Variants in FGD3 observed in about 807,000 individuals in gnomAD.
FGD3 encodes FYVE, RhoGEF and PH domain containing 3, also known as FYVE, RhoGEF and PH domain-containing protein 3.
FGD3 carries 45 observed loss-of-function variants against 71.8 expected under a neutral mutation model. The ratio of observed to expected loss-of-function variants is 0.63; its 90% CI spans 0.49 to 0.80. The LOEUF (loss-of-function observed/expected upper bound fraction) is 0.80, where lower values mean the gene tolerates loss of function less well. FGD3 is among the 30% of genes least tolerant of loss of function. FGD3 has a pLI of 0.00. For missense variants in FGD3, 844 were observed against 951.5 expected (o/e 0.89, Z 1.49); for synonymous variants, 378 against 392.8 (o/e 0.96, Z 0.44).
intron 14 of FGD3, among the ~76,000 whole-genome samples, chr9:93,023,385 C>T (rs781036983): frequency 5.9e-5 from 9 of 152,164 alleles, no homozygotes; most frequent in Non-Finnish European, 1.2e-4. Flanking sequence ...TTCAGGGGCA[C>T]GACGGAGTGT....
rs564483635 is a variant in FGD3 at position 93,012,697 on chromosome 9, G to A, written c.1036-1155G>A. On this transcript the variant is annotated intron_variant, in intron 8 of 17. Transcript: ENST00000375482. ...AGGTGTGGGCGGTGGCGGGGTGTGG[G>A]GGGGGGAAGAATCAATCTACATAGA... Among the ~76,000 whole-genome samples, 227 of 136,750 alleles carry A rather than the reference G, an allele frequency of 1.7e-3. 6 individuals are homozygous for A. The East Asian group carries it at 0.017, about 10-fold the overall frequency. 89.7% of individuals were successfully genotyped at this position (136,750 alleles called of 152,430 possible). A position where few individuals can be genotyped will look rare whatever the true frequency, so the allele number is the denominator to read the frequency against.
At chr9:93,015,277 G>A (rs1252322686) in intron 9 of FGD3, among the ~76,000 whole-genome samples, 30 of 152,046 alleles carry the variant, frequency 2.0e-4, no homozygotes, top group Middle Eastern at 3.4e-3. Context: ...CCAACATGGC[G>A]AAACCCCATC....
intron 13 of FGD3, 131 bp from the exon 14 acceptor site, chr9:93,022,196 C>T: frequency 1.2e-6 from 1 of 853,984 alleles, no homozygotes; most frequent in African/African-American, 1.7e-5. Flanking sequence ...AATCCTAGGC[C>T]TGGGAAATCC....
intron 10 of FGD3, among the ~76,000 whole-genome samples, chr9:93,017,137 G>A (rs115618200): frequency 2.0e-5 from 3 of 151,930 alleles, no homozygotes; most frequent in African/African-American, 7.3e-5. Context: ...GCATGGTGGC[G>A]CACATCTCTA....
intron 8 of FGD3, among the ~76,000 whole-genome samples, chr9:93,012,153 C>CA (rs60323624): frequency 0.016 from 1,938 of 118,292 alleles, 45 homozygotes; most frequent in African/African-American, 0.044. Context: ...GACTCTGTCT[C>CA]AAAAAAAAAA....
At chr9:92,991,598 A>G (rs1176957152) in intron 3 of FGD3, among the ~76,000 whole-genome samples, 3 of 152,146 alleles carry the variant, frequency 2.0e-5, no homozygotes, top group African/African-American at 7.2e-5. Flanking sequence ...AGAATATTCC[A>G]TGGGTACATG....
intron 3 of FGD3, among the ~76,000 whole-genome samples, chr9:92,981,159 G>A (rs1287024210): frequency 5.9e-5 from 9 of 151,280 alleles, no homozygotes; most frequent in Non-Finnish European, 1.3e-4. Context: ...ATGAGGTCAG[G>A]AGATCGAGAC....
chr9:93,036,224 GCCA>G lies in FGD3; in HGVS notation c.*639_*641del, dbSNP rs1054208387. 4 of 152,322 alleles carry G rather than the reference GCCA, an allele frequency of 2.6e-5. No homozygotes were observed. Among genetic ancestry groups the G allele is most frequent in the African/African-American group, 9.7e-5 (4 of 41,448 alleles). The allele number at this position is 152,322 out of a possible 1,614,324, so 9.4% of individuals were successfully genotyped here. ...TGCTTATCTGCATAAATAAACACTG[GCCA>G]CCAGCAGTGGGCGCAGCCTCGGTGA... On this transcript the variant is annotated 3_prime_UTR_variant, in exon 18 of 18. Transcript: ENST00000375482.
chr9:93,032,015 C>T (rs1446917886), intron 15 of FGD3, among the ~76,000 whole-genome samples: 1 of 152,190 alleles, frequency 6.6e-6, no homozygotes, highest in Non-Finnish European at 1.5e-5. Flanking sequence ...GAGGAGCACT[C>T]CTTGGCTAAA....
At chr9:93,034,707 C>T (rs1340124561) in intron 17 of FGD3, 26 bp downstream of exon 17, 1 of 1,605,234 alleles carries the variant, frequency 6.2e-7, no homozygotes, top group Non-Finnish European at 8.5e-7. Context: ...CCACCAGGCC[C>T]TCAGGCCAGC....
chr9:93,030,462 C>G (rs909931867), intron 15 of FGD3, among the ~76,000 whole-genome samples: 3 of 152,230 alleles, frequency 2.0e-5, no homozygotes, highest in Admixed American at 6.5e-5. Context: ...CACACCATCT[C>G]CATTCCCCTC....
chr9:92,993,855 C>G (rs995997286), intron 3 of FGD3, among the ~76,000 whole-genome samples: 11 of 152,146 alleles, frequency 7.2e-5, no homozygotes, highest in African/African-American at 2.7e-4. Context: ...TTTCTTAATC[C>G]AGTCTATTAT....
At chr9:93,022,414 A>G (rs976496698) in intron 14 of FGD3, 25 bp downstream of exon 14, 60 of 1,609,232 alleles carry the variant, frequency 3.7e-5, no homozygotes, top group Non-Finnish European at 4.8e-5. Flanking sequence ...CTCAGCGGTC[A>G]GCAGGGGTGA....
In FGD3 at chr9:92,976,189, G is replaced by T. The variant is rs961807299; in HGVS notation, c.-49-19G>T. On this transcript the variant is annotated intron_variant, in intron 2 of 17. Coordinates refer to ENST00000375482, the MANE Select transcript of FGD3 (RefSeq NM_001083536.2). ...CCATGCCTGGCTAGCACTGACTCTG[G>T]CTTGTTTCTCCCCTACAGGAAGCCC... is the stretch of plus-strand genomic sequence containing the variant. 1.4e-6 allele frequency: 2 copies of T among 1,399,880 alleles called. No homozygotes were observed. The highest frequency in any genetic ancestry group is 1.9e-6 in the Non-Finnish European group (2 of 1,050,658). The allele number at this position is 1,399,880 out of a possible 1,614,324, so 86.7% of individuals were successfully genotyped here.
intron 1 of FGD3, among the ~76,000 whole-genome samples, chr9:92,953,635 C>T (rs781488375): frequency 1.3e-5 from 2 of 152,210 alleles, no homozygotes; most frequent in Non-Finnish European, 2.9e-5. Context: ...ATGTCACCTG[C>T]ACACGGGCCT....
intron 14 of FGD3, among the ~76,000 whole-genome samples, chr9:93,029,327 C>T (rs1862265528): frequency 6.6e-6 from 1 of 152,210 alleles, no homozygotes; most frequent in African/African-American, 2.4e-5. Flanking sequence ...AGGCATGAGC[C>T]ACTGCGTCCA....
rs140977722 is a variant in FGD3 at position 92,959,202 on chromosome 9, C to T, written c.-218+11473C>T. ...TCGTGAACTCCTGACCTCAGGCAAT[C>T]CGCCCACCTTGGCCTCCCAAAGTGC... On this transcript the variant is annotated intron_variant, in intron 1 of 17. Coordinates refer to ENST00000375482, the MANE Select transcript of FGD3 (RefSeq NM_001083536.2). Among the ~76,000 whole-genome samples, 1,004 of 152,302 alleles carry T rather than the reference C, an allele frequency of 6.6e-3. 9 individuals are homozygous for T. Among genetic ancestry groups the T allele is most frequent in the African/African-American group, 0.023 (943 of 41,564 alleles).
intron 13 of FGD3, among the ~76,000 whole-genome samples, 196 bp from the exon 14 acceptor site, chr9:93,022,131 G>A (rs879562003): frequency 9.2e-5 from 14 of 152,236 alleles, no homozygotes; most frequent in Non-Finnish European, 1.9e-4. Flanking sequence ...TTCTAGGAGA[G>A]GCCTCCAGCT....
intron 1 of FGD3, among the ~76,000 whole-genome samples, chr9:92,965,966 C>G (rs1267701290): frequency 6.6e-6 from 1 of 152,168 alleles, no homozygotes; most frequent in East Asian, 1.9e-4. Context: ...CAAGCATGTG[C>G]CGAAAACAAT....
Sources: allele counts gnomAD v4.1 joint callset (sites outside exome capture counted in the v4.1 genomes callset), GRCh38; gene constraint gnomAD v4.1.1; transcripts MANE v1.5; gene names NCBI Gene and HGNC (gene_info 2026-07-23, HGNC 2026-07-21).